CEACAM16: variants seen among roughly 807,000 people sequenced by gnomAD.
The protein encoded by CEACAM16 is CEA cell adhesion molecule 16, tectorial membrane component, also known as cell adhesion molecule CEACAM16.
A neutral mutation model predicts 39.4 loss-of-function variants in CEACAM16; 30 were observed. The ratio of observed to expected loss-of-function variants is 0.76; its 90% CI spans 0.57 to 1.03. CEACAM16 has a LOEUF of 1.03. CEACAM16 is among the 50% of genes least tolerant of loss of function. The pLI is 0.00. For missense variants in CEACAM16, 521 were observed against 585.3 expected, an observed-to-expected ratio of 0.89 and a Z score of 1.13; for synonymous variants, 262 against 264.9, an observed-to-expected ratio of 0.99 and a Z score of 0.11.
At chr19:44,703,044 T>A (rs1974374686) in intron 2 of CEACAM16, among the ~76,000 whole-genome samples, 1 of 152,192 alleles carries the variant, frequency 6.6e-6, no homozygotes, top group Non-Finnish European at 1.5e-5. Flanking sequence ...GTAAGCATGG[T>A]ATGTATACAG....
intron 6 of CEACAM16, 55 bp downstream of exon 6, chr19:44,708,242 A>C: frequency 7.0e-7 from 1 of 1,431,830 alleles, no homozygotes; most frequent in Non-Finnish European, 9.3e-7. Flanking sequence ...GGCTCCCAAA[A>C]GGAGCCTTTG....
Position 44,710,478 on chromosome 19 carries a change from G to A in CEACAM16, c.1268-18G>A, listed in dbSNP as rs761936990. 2.5e-6 allele frequency: 4 copies of A among 1,610,260 alleles called. No homozygotes were observed. The highest frequency in any genetic ancestry group is 1.6e-4 in the Middle Eastern group (1 of 6,064). On this transcript the variant is annotated intron_variant, in intron 6 of 6. Coordinates refer to ENST00000587331, the MANE Select transcript of CEACAM16 (RefSeq NM_001039213.4). ...CTCTGACATCCTCCTTCGCCCCCTC[G>A]CCCCATATGCCCCACAGCCCTGGGG...
chr19:44,708,226 G>T, intron 6 of CEACAM16, 39 bp downstream of exon 6: 1 of 1,469,442 alleles, frequency 6.8e-7, no homozygotes, highest in South Asian at 1.4e-5. Context: ...CCCCTTTTTA[G>T]ACAAGGGCTC....
chr19:44,710,121 C>G (rs1974514846), intron 6 of CEACAM16, among the ~76,000 whole-genome samples: 2 of 152,210 alleles, frequency 1.3e-5, no homozygotes, highest in African/African-American at 4.8e-5. Context: ...GATGGTGCCT[C>G]CCCTATCACT....
chr19:44,710,673 G>T lies in CEACAM16; in HGVS notation c.*167G>T. ...AGCCACAGGGCCCCACTCCCTCGCT[G>T]AGCTGTTGGGGAGCCACCGAGGCCA... On this transcript the variant is annotated 3_prime_UTR_variant, in exon 7 of 7. Transcript: ENST00000587331. The T allele has an allele frequency of 1.1e-6, 1 of 924,612 alleles. No homozygotes were observed. 57.3% of individuals were successfully genotyped at this position (924,612 alleles called of 1,614,324 possible).
chr19:44,704,457 G>A (rs905310505), intron 4 of CEACAM16, among the ~76,000 whole-genome samples, 161 bp downstream of exon 4: 1 of 152,242 alleles, frequency 6.6e-6, no homozygotes, highest in African/African-American at 2.4e-5. Context: ...CTCGCCAGGT[G>A]CAGTGGCTCA....
chr19:44,707,794 G>C (rs925507882), intron 5 of CEACAM16, 67 bp from the exon 6 acceptor site: 1 of 1,372,592 alleles, frequency 7.3e-7, no homozygotes, highest in Non-Finnish European at 9.7e-7. Flanking sequence ...AGGCCAGCAA[G>C]GGTTGGGAAG....
rs1297849171 is a variant in CEACAM16, at chr19:44,705,743, A to T, written c.815A>T (p.Lys272Met). Residue 272 changes from lysine (K) to methionine (M), a missense_variant, in exon 5 of 7, where the codon AAG becomes ATG. Transcript: ENST00000587331. ...TGGACCTTCAACGGGCAGGCCCTAAAGAACGGCCAAGACCACCTCAACATC... is the reference window on the plus strand; with the variant it reads ...TGGACCTTCAACGGGCAGGCCCTAATGAACGGCCAAGACCACCTCAACATC... ...YVWTFNGQALKNGQDHLNISS... is the reference protein window; with the variant it reads ...YVWTFNGQALMNGQDHLNISS... 2 of 1,614,016 alleles carry T rather than the reference A, an allele frequency of 1.2e-6. No individual in the cohort carries two copies.
intron 5 of CEACAM16, among the ~76,000 whole-genome samples, chr19:44,706,179 C>T (rs1461500833): frequency 6.6e-6 from 1 of 151,684 alleles, no homozygotes; most frequent in Non-Finnish European, 1.5e-5. Context: ...AGGGCCTTGA[C>T]CCTCTACCCG....
intron 2 of CEACAM16, among the ~76,000 whole-genome samples, chr19:44,702,644 A>G (rs1317215715): frequency 2.0e-5 from 3 of 152,264 alleles, no homozygotes; most frequent in African/African-American, 4.8e-5. Flanking sequence ...GAGTGTGTTC[A>G]TCTTACCCCT....
chr19:44,704,314 C>T lies in CEACAM16; in HGVS notation c.661+18C>T, dbSNP rs746418425. 2.0e-6 allele frequency: 3 copies of T among 1,476,256 alleles called. No individual in the cohort carries two copies. In the South Asian group the frequency reaches 4.0e-5, roughly 20 times the overall value. The allele number at this position is 1,476,256 out of a possible 1,614,324, so 91.4% of individuals were successfully genotyped here. On this transcript the variant is annotated intron_variant, in intron 4 of 6. Coordinates refer to ENST00000587331, the MANE Select transcript of CEACAM16 (RefSeq NM_001039213.4). ...CGTGTACTGTGAGTCCTCCTGGCCC[C>T]ACTGGAGATACCCAGTGTCCAAACC...
chr19:44,707,565 C>T (rs1170923399), intron 5 of CEACAM16, among the ~76,000 whole-genome samples: 1 of 151,922 alleles, frequency 6.6e-6, no homozygotes, highest in East Asian at 1.9e-4. Flanking sequence ...TTGGGAATTT[C>T]CAATCTGATG....
intron 6 of CEACAM16, 78 bp from the exon 7 acceptor site, chr19:44,710,418 A>G: frequency 6.6e-7 from 1 of 1,510,550 alleles, no homozygotes; most frequent in Non-Finnish European, 9.0e-7. Flanking sequence ...GGGGAGCAGA[A>G]GGGGTGGGGG....
intron 3 of CEACAM16, 33 bp from the exon 4 acceptor site, chr19:44,703,985 G>A (rs1370713730): frequency 6.5e-6 from 10 of 1,549,062 alleles, no homozygotes; most frequent in East Asian, 2.3e-5. Context: ...GGTGGTGTCC[G>A]GCCCCCTCCC....
In CEACAM16 at chr19:44,703,517, T is replaced by A. The variant is rs1056291783; in HGVS notation, c.206T>A (p.Ile69Asn). Reference protein sequence around the residue: ...LSVSYLVASYIVSTGDETPGP... With the variant: ...LSVSYLVASYNVSTGDETPGP... ...GTGTCATACCTGGTGGCCAGCTACA[T>A]CGTGAGCACAGGCGATGAGACTCCT... The change falls in exon 3 of 7, where the codon ATC becomes AAC. Residue 69 changes from isoleucine (I) to asparagine (N), a missense_variant. Physicochemically the swap from Ile to Asn is moderately radical, Grantham distance 149. Coordinates refer to ENST00000587331, the MANE Select transcript of CEACAM16 (RefSeq NM_001039213.4). 2 of 1,613,464 alleles carry A rather than the reference T, an allele frequency of 1.2e-6. No homozygotes were observed. Among genetic ancestry groups the A allele is most frequent in the Non-Finnish European group, 1.7e-6 (2 of 1,179,840 alleles).
intron 4 of CEACAM16, 136 bp from the exon 5 acceptor site, chr19:44,705,454 A>AG: frequency 1.3e-6 from 1 of 793,230 alleles, no homozygotes. Flanking sequence ...GTTAGAGTTA[A>AG]GGCCAGAGCT....
chr19:44,708,299 TC>T, intron 6 of CEACAM16, 112 bp downstream of exon 6: 1 of 1,109,488 alleles, frequency 9.0e-7, no homozygotes, highest in Non-Finnish European at 1.3e-6. Flanking sequence ...TGGATACCCA[TC>T]CCCCATCAGG....
intron 6 of CEACAM16, 71 bp from the exon 7 acceptor site, chr19:44,710,425 G>C: frequency 6.4e-7 from 1 of 1,555,256 alleles, no homozygotes; most frequent in South Asian, 1.2e-5. Context: ...AGAAGGGGTG[G>C]GGGCACTGGG....
intron 5 of CEACAM16, among the ~76,000 whole-genome samples, chr19:44,706,233 C>G (rs574735375): frequency 6.8e-6 from 1 of 147,802 alleles, no homozygotes; most frequent in East Asian, 2.0e-4. Flanking sequence ...GTGCAGCCAA[C>G]TAGACTACCC....
Sources: gnomAD v4.1 joint callset for allele counts (sites outside exome capture counted in the v4.1 genomes callset) on GRCh38, gnomAD v4.1.1 for gene constraint, MANE v1.5 for transcripts, NCBI Gene and HGNC (gene_info 2026-07-23, HGNC 2026-07-21) for gene names.